CTNNA3: variants seen among roughly 807,000 people sequenced by gnomAD.
The protein encoded by CTNNA3 is catenin alpha 3.
Under a neutral mutation model 95.7 loss-of-function variants are expected in CTNNA3, and 76 were observed. The observed-to-expected ratio is 0.79, with a 90% CI of 0.66 to 0.96. The LOEUF (loss-of-function observed/expected upper bound fraction) is 0.96, where lower values mean the gene tolerates loss of function less well. CTNNA3 is among the 40% of genes least tolerant of loss of function. The pLI is 0.00. For missense variants in CTNNA3, 1,191 were observed against 1,089.8 expected, an observed-to-expected ratio of 1.09 and a Z score of -1.31; for synonymous variants, 431 against 374.4, an observed-to-expected ratio of 1.15 and a Z score of -1.74.
At chr10:67,264,255 C>G (rs909872444) in intron 5 of CTNNA3, among the ~76,000 whole-genome samples, 3 of 152,066 alleles carry the variant, frequency 2.0e-5, no homozygotes, top group African/African-American at 7.2e-5. Context: ...GTAGGAAGGA[C>G]CAGAAGTGGG....
intron 7 of CTNNA3, among the ~76,000 whole-genome samples, chr10:67,142,837 C>G (rs919961451): frequency 6.6e-6 from 1 of 151,814 alleles, no homozygotes; most frequent in African/African-American, 2.4e-5. Context: ...GAGGCTGAGG[C>G]AGGGGAATCG....
intron 1 of CTNNA3, among the ~76,000 whole-genome samples, chr10:67,668,728 T>C (rs900732987): frequency 6.6e-6 from 1 of 152,136 alleles, no homozygotes; most frequent in African/African-American, 2.4e-5. Flanking sequence ...AACTTGTGGA[T>C]TGGTTATTTC....
intron 11 of CTNNA3, among the ~76,000 whole-genome samples, chr10:66,510,919 A>G (rs922773541): frequency 6.6e-6 from 1 of 151,860 alleles, no homozygotes; most frequent in Non-Finnish European, 1.5e-5. Context: ...TTAATTAGGA[A>G]GAATTTCTTA....
intron 13 of CTNNA3, among the ~76,000 whole-genome samples, chr10:66,205,786 C>A (rs1163317920): frequency 6.6e-6 from 1 of 151,860 alleles, no homozygotes; most frequent in East Asian, 1.9e-4. Context: ...ATCCATTTAT[C>A]CATAAAGCCT....
intron 9 of CTNNA3, among the ~76,000 whole-genome samples, chr10:66,733,457 G>A (rs1849029599): frequency 1.3e-5 from 2 of 151,690 alleles, no homozygotes; most frequent in Non-Finnish European, 2.9e-5. Context: ...CACTTTCCTA[G>A]GAGAAGTGTT....
chr10:65,954,740 G>A (rs1026575491), intron 17 of CTNNA3, among the ~76,000 whole-genome samples: 2 of 152,126 alleles, frequency 1.3e-5, no homozygotes, highest in Admixed American at 1.3e-4. Flanking sequence ...TGTTCCATTG[G>A]TCTATATCTC....
chr10:67,433,906 A>G (rs1408382562), intron 5 of CTNNA3, among the ~76,000 whole-genome samples: 2 of 152,024 alleles, frequency 1.3e-5, no homozygotes, highest in African/African-American at 4.8e-5. Context: ...ATAATCCTAC[A>G]TCTACTAAGT....
At position 66,664,153 on chromosome 10, in the gene CTNNA3, T is replaced by G. The variant is rs190648582; in HGVS notation, c.1282-42369A>C. On this transcript the variant is annotated intron_variant, in intron 9 of 17. Transcript: ENST00000433211. ...TAATCTTTTATACAAAAGATTAATC[T>G]TTATTCTGTGTCCTGCTGAATACTT... Among the ~76,000 whole-genome samples the G allele has an allele frequency of 9.4e-4, 143 of 152,248 alleles. 1 individual carries two copies. The highest frequency in any genetic ancestry group is 3.4e-3 in the African/African-American group (140 of 41,574).
chr10:67,170,040 T>C (rs901197085), intron 7 of CTNNA3, among the ~76,000 whole-genome samples: 1 of 152,094 alleles, frequency 6.6e-6, no homozygotes, highest in African/African-American at 2.4e-5. Context: ...CACTGATCAT[T>C]AGAGAAACGC....
At chr10:67,567,261 A>AG (rs1171775973) in intron 3 of CTNNA3, among the ~76,000 whole-genome samples, 1 of 152,106 alleles carries the variant, frequency 6.6e-6, no homozygotes, top group Admixed American at 6.6e-5. Flanking sequence ...ATGGCAAAAA[A>AG]AAAAAAGAAT....
chr10:66,810,418 T>C lies in CTNNA3; in HGVS notation c.1048-34894A>G, dbSNP rs190049982. Among the ~76,000 whole-genome samples the C allele has an allele frequency of 4.0e-4, 61 of 152,232 alleles. 1 individual carries two copies. Among genetic ancestry groups the C allele is most frequent in the Non-Finnish European group, 8.1e-4 (55 of 68,020 alleles). ...GAACACTGAAGTCATCTTAGATCAC[T>C]CTTTTTCTGTGAACCCCACATCCAA... On this transcript the variant is annotated intron_variant, in intron 7 of 17. Transcript: ENST00000433211.
At position 66,411,870 on chromosome 10, in the gene CTNNA3, A is replaced by G. The variant is rs1395977266; in HGVS notation, c.1532-32518T>C. On this transcript the variant is annotated intron_variant, in intron 11 of 17. Coordinates refer to ENST00000433211, the MANE Select transcript of CTNNA3 (RefSeq NM_013266.4). Reference sequence around the variant, plus strand: ...ACACCCAAAAGGAAATGAGGAAGGAATTGTGCAAAAAGAGAAGGTGACCCA... The same window carrying G: ...ACACCCAAAAGGAAATGAGGAAGGAGTTGTGCAAAAAGAGAAGGTGACCCA... Among the ~76,000 whole-genome samples the G allele has an allele frequency of 2.0e-5, 3 of 152,268 alleles. No individual in the cohort carries two copies. In the East Asian group the frequency reaches 5.8e-4, roughly 29 times the overall value.
At chr10:66,829,533 A>C (rs1842636883) in intron 7 of CTNNA3, among the ~76,000 whole-genome samples, 1 of 151,876 alleles carries the variant, frequency 6.6e-6, no homozygotes. Context: ...GAATTGCTTA[A>C]ACCCGGGAGG....
intron 7 of CTNNA3, among the ~76,000 whole-genome samples, chr10:66,836,112 C>A (rs978350855): frequency 6.6e-6 from 1 of 152,172 alleles, no homozygotes; most frequent in Admixed American, 6.6e-5. Context: ...TTTGCCAATT[C>A]TGTAGCAAAT....
At chr10:66,716,750 G>C (rs1848463230) in intron 9 of CTNNA3, among the ~76,000 whole-genome samples, 1 of 152,280 alleles carries the variant, frequency 6.6e-6, no homozygotes, top group South Asian at 2.1e-4. Context: ...GTAAGGTTGA[G>C]TTTTAAGGTG....
chr10:66,415,360 G>A (rs988995773), intron 11 of CTNNA3, among the ~76,000 whole-genome samples: 12 of 152,012 alleles, frequency 7.9e-5, no homozygotes, highest in African/African-American at 2.7e-4. Flanking sequence ...CCACCTGCAG[G>A]CCTGGACACT....
chr10:67,511,647 T>G (rs1445983019), intron 5 of CTNNA3, among the ~76,000 whole-genome samples: 1 of 152,238 alleles, frequency 6.6e-6, no homozygotes, highest in Non-Finnish European at 1.5e-5. Context: ...GATATTGGTC[T>G]AAAATTCTCT....
chr10:67,573,221 A>C (rs1484010658), intron 3 of CTNNA3, among the ~76,000 whole-genome samples: 1 of 152,222 alleles, frequency 6.6e-6, no homozygotes, highest in South Asian at 2.1e-4. Context: ...CAGTCAATTC[A>C]TTGGCATTCA....
intron 1 of CTNNA3, among the ~76,000 whole-genome samples, chr10:67,665,329 A>C (rs1412365856): frequency 6.6e-6 from 1 of 152,224 alleles, no homozygotes; most frequent in Non-Finnish European, 1.5e-5. Context: ...TGGAGCTTTC[A>C]TAAAATAGTC....
Sources: allele counts gnomAD v4.1 joint callset (sites outside exome capture counted in the v4.1 genomes callset), GRCh38; gene constraint gnomAD v4.1.1; transcripts MANE v1.5; gene names NCBI Gene and HGNC (gene_info 2026-07-23, HGNC 2026-07-21).